The following TRMT44 variants were observed in gnomAD, a reference collection of about 807,000 sequenced individuals.
TRMT44 encodes tRNA methyltransferase 44 homolog, also known as probable tRNA (uracil-O(2)-)-methyltransferase.
A neutral mutation model predicts 77.3 loss-of-function variants in TRMT44; 78 were observed. The observed-to-expected ratio is 1.01, with a 90% CI of 0.84 to 1.22. TRMT44 has a LOEUF of 1.22. Among genes scored for constraint, TRMT44 ranks in the 50% most tolerant of loss-of-function variants. The pLI is 0.00. For missense variants in TRMT44, 1,090 were observed against 964.4 expected (o/e 1.13, Z -1.73); for synonymous variants, 391 against 383.3 (o/e 1.02, Z -0.23).
Position 8,446,367 on chromosome 4 carries a change from C to T in TRMT44, c.620-109C>T, listed in dbSNP as rs955385292. 3 of 696,964 alleles carry T rather than the reference C, an allele frequency of 4.3e-6. No individual in the cohort carries two copies. Among genetic ancestry groups the T allele is most frequent in the Non-Finnish European group, 7.3e-6 (3 of 408,750 alleles). The allele number at this position is 696,964 out of a possible 1,614,324, so 43.2% of individuals were successfully genotyped here. On this transcript the variant is annotated intron_variant, in intron 1 of 10. Transcript: ENST00000389737. This position sits in a 1 kb window ranked among gnomAD's most constrained non-coding sequence, Gnocchi z 4.3. Reference sequence around the variant, plus strand: ...CTGGAGTGCCATTGTGAATAGAGTGCTGGGGGATTGAAAGCATCGTGCTTG... The same window carrying T: ...CTGGAGTGCCATTGTGAATAGAGTGTTGGGGGATTGAAAGCATCGTGCTTG...
chr4:8,496,846 A>C (rs563744299), downstream of TRMT44, among the ~76,000 whole-genome samples: 78 of 151,880 alleles, frequency 5.1e-4, 1 homozygote, highest in African/African-American at 1.9e-3. Flanking sequence ...TAATTTTTAA[A>C]AATTGATTTT....
At position 8,451,608 on chromosome 4, in the gene TRMT44, A is replaced by G. The variant is rs1725457487; in HGVS notation, c.955-352A>G. Among the ~76,000 whole-genome samples the G allele has an allele frequency of 6.6e-6, 1 of 152,142 alleles. No homozygotes were observed. The highest frequency in any genetic ancestry group is 1.5e-5 in the Non-Finnish European group (1 of 68,024). On this transcript the variant is annotated intron_variant, in intron 3 of 10. Transcript: ENST00000389737. This position sits in a 1 kb window ranked among gnomAD's most constrained non-coding sequence, Gnocchi z 4.1. ...TGTGGCTCGCGGCTCTCCCTGCCCT[A>G]GTTTCACTCCCACGCCTAGTTTCCT...
At chr4:8,503,044 A>G in the TRMT44 span, among the ~76,000 whole-genome samples, 17 of 152,302 alleles carry the variant, frequency 1.1e-4, no homozygotes, top group East Asian at 3.3e-3. Flanking sequence ...CACCTCCCAC[A>G]TGAGAGGCAG....
At chr4:8,469,294 A>G (rs1726821270) in intron 9 of TRMT44, among the ~76,000 whole-genome samples, 1 of 152,096 alleles carries the variant, frequency 6.6e-6, no homozygotes, top group South Asian at 2.1e-4. Flanking sequence ...GATGGGGCCG[A>G]CTAGCTGCAA....
At chr4:8,485,629 G>A (rs939811946) in intron 2 of TRMT44, among the ~76,000 whole-genome samples, 1 of 152,098 alleles carries the variant, frequency 6.6e-6, no homozygotes, top group Non-Finnish European at 1.5e-5. Context: ...GGGTTAAGGT[G>A]GGGGGATATG....
chr4:8,453,731 A>G (rs1725609008), intron 5 of TRMT44: 1 of 152,200 alleles, frequency 6.6e-6, no homozygotes, highest in African/African-American at 2.4e-5. Context: ...CCAGCGCGTC[A>G]GGTGCCATTA....
chr4:8,508,643 G>A, the TRMT44 span, among the ~76,000 whole-genome samples: 1 of 152,226 alleles, frequency 6.6e-6, no homozygotes, highest in Non-Finnish European at 1.5e-5. Flanking sequence ...ATGGGGTTGC[G>A]GCGCCTTGGG....
chr4:8,449,944 CTTTTCTTTTTT>C lies in TRMT44; in HGVS notation c.954+61_954+71del. On this transcript the variant is annotated intron_variant, in intron 3 of 10. Coordinates refer to ENST00000389737, the MANE Select transcript of TRMT44 (RefSeq NM_152544.3). ...CCCCTTCATGATTTTCTTTTCTTTT[CTTTTCTTTTTT>C]TTTTTTTTTTTTTTTTTTTGCGACA... 8 of 376,672 alleles carry C rather than the reference CTTTTCTTTTTT, an allele frequency of 2.1e-5. No individual in the cohort carries two copies. In the South Asian group the frequency reaches 2.2e-4, roughly 10 times the overall value. The allele number at this position is 376,672 out of a possible 1,614,324, so 23.3% of individuals were successfully genotyped here.
In TRMT44 at chr4:8,452,476, G is replaced by A. The variant is rs1404562423; in HGVS notation, c.1024-406G>A. ...AGGCTGGGTTTGGTGGCTCAAGCCTGTAATTCCCAGCACTTCGGGAGGCCG... is the reference window on the plus strand; with the variant it reads ...AGGCTGGGTTTGGTGGCTCAAGCCTATAATTCCCAGCACTTCGGGAGGCCG... On this transcript the variant is annotated intron_variant, in intron 4 of 10. Coordinates refer to ENST00000389737, the MANE Select transcript of TRMT44 (RefSeq NM_152544.3). This position sits in a 1 kb window ranked among gnomAD's most constrained non-coding sequence, Gnocchi z 5.7. Among the ~76,000 whole-genome samples, 1 of 152,230 alleles carries A rather than the reference G, an allele frequency of 6.6e-6. No homozygotes were observed. Among genetic ancestry groups the A allele is most frequent in the East Asian group, 1.9e-4 (1 of 5,188 alleles).
At chr4:8,479,792 T>A (rs749642055), downstream of TRMT44, among the ~76,000 whole-genome samples, 1 of 152,168 alleles carries the variant, frequency 6.6e-6, no homozygotes, top group Non-Finnish European at 1.5e-5. Flanking sequence ...ACTTGTTAAT[T>A]TTATGAATTT....
rs568566162 is a variant in TRMT44, at chr4:8,461,369, G to A, written c.1204-2616G>A. ...ATCGGGCTCTAAACTTGGCTATGAA[G>A]TTAATGATCAAAGCTAAAGCAGTAG... On this transcript the variant is annotated intron_variant, in intron 6 of 10. Transcript: ENST00000389737. The surrounding 1 kb of genome is among the most constrained non-coding windows in gnomAD (Gnocchi z 4.6). 3.2e-4 allele frequency among the ~76,000 whole-genome samples: 48 copies of A among 152,306 alleles called. No individual in the cohort carries two copies. The highest frequency in any genetic ancestry group is 3.5e-4 in the Non-Finnish European group (24 of 68,036).
In TRMT44 at chr4:8,444,669, G is replaced by A. The variant is rs1279419007; in HGVS notation, c.620-1807G>A. Among the ~76,000 whole-genome samples the A allele has an allele frequency of 2.0e-5, 3 of 152,180 alleles. No homozygotes were observed. Among genetic ancestry groups the A allele is most frequent in the Admixed American group, 2.0e-4 (3 of 15,284 alleles). On this transcript the variant is annotated intron_variant, in intron 1 of 10. Coordinates refer to ENST00000389737, the MANE Select transcript of TRMT44 (RefSeq NM_152544.3). This position sits in a 1 kb window ranked among gnomAD's most constrained non-coding sequence, Gnocchi z 4.0. Reference sequence around the variant, plus strand: ...TGCCTTGGCCTCCCAAAGTGCCGGGGTTACGGGCGTGAGCCACCTCTCCCG... The same window carrying A: ...TGCCTTGGCCTCCCAAAGTGCCGGGATTACGGGCGTGAGCCACCTCTCCCG...
At chr4:8,515,977 G>A in the TRMT44 span, among the ~76,000 whole-genome samples, 38 of 152,270 alleles carry the variant, frequency 2.5e-4, no homozygotes, top group African/African-American at 7.9e-4. Flanking sequence ...TCCTTTGAGC[G>A]CCTGCATTCC....
chr4:8,464,042 G>C lies in TRMT44; in HGVS notation c.1261G>C (p.Gly421Arg). Reference protein sequence around the residue: ...TLFPDVDWLIGNHSDELTPWI... With the variant: ...TLFPDVDWLIRNHSDELTPWI... The stretch of plus-strand genomic sequence containing the variant: ...TTTCCCTGATGTTGATTGGTTAATC[G>C]GTAACCATTCTGATGAACTCACACC... The change falls in exon 7 of 11, where the codon GGT becomes CGT. Residue 421 changes from glycine (G) to arginine (R), a missense_variant. By Grantham distance (125) the Gly-to-Arg change is moderately radical. Coordinates refer to ENST00000389737, the MANE Select transcript of TRMT44 (RefSeq NM_152544.3). 1 of 1,614,062 alleles carries C rather than the reference G, an allele frequency of 6.2e-7. No homozygotes were observed. The highest frequency in any genetic ancestry group is 8.5e-7 in the Non-Finnish European group (1 of 1,179,986).
chr4:8,513,588 A>G, the TRMT44 span, among the ~76,000 whole-genome samples: 1 of 152,222 alleles, frequency 6.6e-6, no homozygotes, highest in South Asian at 2.1e-4. Context: ...CACCATGGAG[A>G]ATAAACAGAT....
chr4:8,504,133 C>G, the TRMT44 span, among the ~76,000 whole-genome samples: 6 of 148,362 alleles, frequency 4.0e-5, no homozygotes, highest in Non-Finnish European at 8.9e-5. The surrounding 1 kb of genome is among the most constrained non-coding windows in gnomAD (Gnocchi z 5.3). Flanking sequence ...GGGGCAGGGG[C>G]TGCATCAGGG....
At chr4:8,490,646 G>A (rs1349921502) in intron 2 of TRMT44, among the ~76,000 whole-genome samples, 1 of 152,216 alleles carries the variant, frequency 6.6e-6, no homozygotes, top group Non-Finnish European at 1.5e-5. Context: ...CCTTCGCGGT[G>A]AGTGTTACAG....
At chr4:8,496,369 T>G (rs1483412887), downstream of TRMT44, among the ~76,000 whole-genome samples, 1 of 152,248 alleles carries the variant, frequency 6.6e-6, no homozygotes, top group Non-Finnish European at 1.5e-5. Context: ...TTTCTTGTTC[T>G]TATCCCGGCC....
Position 8,440,780 on chromosome 4 carries a change from A to C in TRMT44, c.-43A>C. On this transcript the variant is annotated 5_prime_UTR_variant, in exon 1 of 11. Coordinates refer to ENST00000389737, the MANE Select transcript of TRMT44 (RefSeq NM_152544.3). ...ACGCGCCGCGCCACCGGGCTGCGTC[A>C]TCTCGGCGCGCCGCTGCCAGGGCTG... 2 of 1,380,300 alleles carry C rather than the reference A, an allele frequency of 1.4e-6. No homozygotes were observed. 85.5% of individuals were successfully genotyped at this position (1,380,300 alleles called of 1,614,324 possible).
Sources: gnomAD v4.1 joint callset for allele counts (sites outside exome capture counted in the v4.1 genomes callset) on GRCh38, gnomAD v4.1.1 for gene constraint, Gnocchi (gnomAD v3.1) non-coding constraint, MANE v1.5 for transcripts, NCBI Gene and HGNC (gene_info 2026-07-23, HGNC 2026-07-21) for gene names.